The following PHC2 variants were observed in gnomAD, a reference collection of about 807,000 sequenced individuals.
PHC2 encodes the protein polyhomeotic homolog 2.
In PHC2, 29 loss-of-function variants were observed where a neutral mutation model predicts 87.4. The observed-to-expected ratio is 0.33, with a 90% CI of 0.25 to 0.45. The LOEUF (loss-of-function observed/expected upper bound fraction) is 0.45. Ranked by LOEUF, PHC2 falls within the 20% of genes least tolerant of loss-of-function variation. The pLI, the probability that PHC2 is intolerant of heterozygous loss-of-function variation, is 1.00. For synonymous variants in PHC2, 438 were observed against 461.7 expected (o/e 0.95, Z 0.66); for missense variants, 857 against 1,136.7 (o/e 0.75, Z 3.54).
intron 1 of PHC2, among the ~76,000 whole-genome samples, chr1:33,386,675 C>T (rs1404845966): frequency 6.6e-6 from 1 of 152,100 alleles, no homozygotes; most frequent in Non-Finnish European, 1.5e-5. Context: ...AAAACAAAAT[C>T]TCTCCATACT....
Position 33,372,430 on chromosome 1 carries a change from C to G in PHC2, c.192G>C (p.Leu64=). Residue 64 remains leucine, a synonymous_variant, in exon 3 of 15, where the codon CTG becomes CTC. Transcript: ENST00000683057. ...RQTVQVIQQA[L]HRQPSTAAQY... is the part of the protein sequence containing the mutation. ...GAGCGGCCGTGCTGGGCTGTCTGTG[C>G]AGGGCCTGCTGGATCACCTGAGAAG... 1.3e-6 allele frequency: 2 copies of G among 1,574,278 alleles called. No homozygotes were observed. The highest frequency in any genetic ancestry group is 1.7e-6 in the Non-Finnish European group (2 of 1,156,266).
chr1:33,335,353 G>C (rs1008138691), intron 9 of PHC2: 2 of 985,046 alleles, frequency 2.0e-6, no homozygotes, highest in East Asian at 2.3e-4. Flanking sequence ...CTTTAACCTG[G>C]AACTTCCTAA....
intron 1 of PHC2, among the ~76,000 whole-genome samples, chr1:33,407,357 A>C (rs2148386846): frequency 6.6e-6 from 1 of 152,314 alleles, no homozygotes; most frequent in African/African-American, 2.4e-5. Flanking sequence ...AAATATTTTC[A>C]AGGTTAATAA....
chr1:33,366,131 T>A (rs1056952586), intron 7 of PHC2, among the ~76,000 whole-genome samples: 4 of 152,262 alleles, frequency 2.6e-5, no homozygotes, highest in Non-Finnish European at 5.9e-5. Context: ...ATATTCTTGA[T>A]GTATTTTCTC....
rs187260828 is a variant in PHC2, at chr1:33,420,967, C to G, written c.-55+10009G>C. Among the ~76,000 whole-genome samples the G allele has an allele frequency of 3.8e-3, 577 of 152,322 alleles. 3 individuals carry two copies. The highest frequency in any genetic ancestry group is 0.024 in the Middle Eastern group (7 of 294). On this transcript the variant is annotated intron_variant, in intron 1 of 14. Transcript: ENST00000683057. ...CTGTAAGATGGAAATGACATGAGTA[C>G]TTACCTCAGAGTAGCTGTGAGGATT...
Position 33,368,398 on chromosome 1 carries a change from C to A in PHC2, c.663+138G>T. ...TTCTGGAACAGGGTAGACGCGCAGG[C>A]CTGGGGGCATTGGGGTGTCCTGTCT... is the stretch of plus-strand genomic sequence containing the variant. On this transcript the variant is annotated intron_variant, in intron 6 of 14. Coordinates refer to ENST00000683057, the MANE Select transcript of PHC2 (RefSeq NM_001385109.1). The surrounding 1 kb of genome is among the most constrained non-coding windows in gnomAD (Gnocchi z 6.6). 1 of 609,214 alleles carries A rather than the reference C, an allele frequency of 1.6e-6. No individual in the cohort carries two copies. Among genetic ancestry groups the A allele is most frequent in the African/African-American group, 1.9e-5 (1 of 53,964 alleles). The allele number at this position is 609,214 out of a possible 1,614,324, so 37.7% of individuals were successfully genotyped here.
intron 7 of PHC2, among the ~76,000 whole-genome samples, chr1:33,355,954 TGCCTG>T (rs1647063087): frequency 6.6e-6 from 1 of 152,226 alleles, no homozygotes; most frequent in South Asian, 2.1e-4. Context: ...CACAGCACAG[TGCCTG>T]GCACATGGTC....
chr1:33,424,588 C>G (rs2148409058), intron 1 of PHC2, among the ~76,000 whole-genome samples: 1 of 152,326 alleles, frequency 6.6e-6, no homozygotes, highest in East Asian at 1.9e-4. Context: ...AGACGCTGGT[C>G]TCTGCCCAAA....
chr1:33,338,273 T>C (rs918084119), intron 9 of PHC2, among the ~76,000 whole-genome samples: 3 of 152,202 alleles, frequency 2.0e-5, no homozygotes, highest in African/African-American at 7.2e-5. Flanking sequence ...CAAAACTTTT[T>C]GGAATTTGAG....
In PHC2 at chr1:33,370,648, A is replaced by G. The variant is rs546203562; in HGVS notation, c.412-63T>C. The G allele has an allele frequency of 2.4e-5, 35 of 1,467,768 alleles. No homozygotes were observed. In the South Asian group the frequency reaches 3.9e-4, roughly 16 times the overall value. The allele number at this position is 1,467,768 out of a possible 1,614,324, so 90.9% of individuals were successfully genotyped here. On this transcript the variant is annotated intron_variant, in intron 4 of 14. Transcript: ENST00000683057. ...TCTGTTGGTGAGCTGTGTCCCCCTC[A>G]TCCATTTCTTTCTCCCCCCTCTTTT... is the stretch of plus-strand genomic sequence containing the variant.
rs1303459787 is a variant in PHC2 at position 33,332,422 on chromosome 1, C to T, written c.1762-18G>A. ...CGTCCCACCTAGAGGACAGGTAACA[C>T]GGAGGCCGTGAGGGTCAGGTGGGAG... On this transcript the variant is annotated intron_variant, in intron 10 of 14. Coordinates refer to ENST00000683057, the MANE Select transcript of PHC2 (RefSeq NM_001385109.1). The surrounding 1 kb of genome is among the most constrained non-coding windows in gnomAD (Gnocchi z 4.2). The T allele has an allele frequency of 8.7e-6, 14 of 1,613,930 alleles. No individual in the cohort carries two copies. Among genetic ancestry groups the T allele is most frequent in the Middle Eastern group, 1.6e-4 (1 of 6,084 alleles).
intron 1 of PHC2, among the ~76,000 whole-genome samples, chr1:33,378,995 CATTTCT>C (rs1267391973): frequency 1.3e-5 from 2 of 152,048 alleles, no homozygotes; most frequent in East Asian, 3.9e-4. Flanking sequence ...TGGGGGTTAT[CATTTCT>C]ATTTCTTTTT....
intron 9 of PHC2, among the ~76,000 whole-genome samples, chr1:33,351,279 C>T (rs937194527): frequency 7.5e-4 from 114 of 152,016 alleles, no homozygotes; most frequent in African/African-American, 2.7e-3. Flanking sequence ...AAATAGAATT[C>T]TTTTGATTTT....
Position 33,332,732 on chromosome 1 carries a change from C to T in PHC2, c.1762-328G>A, listed in dbSNP as rs1200598506. ...CAGTGCCAGATCAAGCACCAAGACCCAGTACCCACGCATCTCCAGGCAAGG... is the reference window on the plus strand; with the variant it reads ...CAGTGCCAGATCAAGCACCAAGACCTAGTACCCACGCATCTCCAGGCAAGG... On this transcript the variant is annotated intron_variant, in intron 10 of 14. Transcript: ENST00000683057. The surrounding 1 kb of genome is among the most constrained non-coding windows in gnomAD (Gnocchi z 4.2). 6.6e-6 allele frequency among the ~76,000 whole-genome samples: 1 copy of T among 152,148 alleles called. No homozygotes were observed. The highest frequency in any genetic ancestry group is 1.9e-4 in the East Asian group (1 of 5,188).
Position 33,332,056 on chromosome 1 carries a change from T to C in PHC2, c.1891+219A>G, listed in dbSNP as rs1011221836. ...AGGAAAAGCCATTCTTGGGATCCTG[T>C]GGTTGGCTGGAGGGGGATTGGGGGA... On this transcript the variant is annotated intron_variant, in intron 11 of 14. Coordinates refer to ENST00000683057, the MANE Select transcript of PHC2 (RefSeq NM_001385109.1). The surrounding 1 kb of genome is among the most constrained non-coding windows in gnomAD (Gnocchi z 4.2). Among the ~76,000 whole-genome samples, 6 of 152,150 alleles carry C rather than the reference T, an allele frequency of 3.9e-5. No homozygotes were observed. The highest frequency in any genetic ancestry group is 1.3e-4 in the Admixed American group (2 of 15,274).
intron 14 of PHC2, among the ~76,000 whole-genome samples, chr1:33,327,203 G>A (rs1483444157): frequency 2.0e-5 from 3 of 152,094 alleles, no homozygotes; most frequent in Non-Finnish European, 4.4e-5. Context: ...TTTTGGATGG[G>A]CATGTCTGTA....
chr1:33,354,564 G>A lies in PHC2; in HGVS notation c.1395C>T (p.Pro465=). The A allele has an allele frequency of 6.2e-7, 1 of 1,613,040 alleles. No homozygotes were observed. Among genetic ancestry groups the A allele is most frequent in the Non-Finnish European group, 8.5e-7 (1 of 1,179,434 alleles). ...TCCAGTCATCAGGGACACACTGCTG[G>A]GGCTGTCAAAGGACAGGACAGAGAG... is the stretch of plus-strand genomic sequence containing the variant. ...ILQLQPASPV[P]QQCVPDDWKE... is the part of the protein sequence containing the mutation. Residue 465 remains proline, a splice_region_variant and synonymous_variant, in exon 9 of 15, where the codon CCC becomes CCT. Transcript: ENST00000683057.
Position 33,330,225 on chromosome 1 carries a change from G to A in PHC2, c.2007-13C>T. ...TCCCACGTTGTACCTTCAGGGACAGGGGAACAGGGGATGTCACAGTAGTCA... is the reference window on the plus strand; with the variant it reads ...TCCCACGTTGTACCTTCAGGGACAGAGGAACAGGGGATGTCACAGTAGTCA... On this transcript the variant is annotated splice_polypyrimidine_tract_variant and intron_variant, in intron 12 of 14. Coordinates refer to ENST00000683057, the MANE Select transcript of PHC2 (RefSeq NM_001385109.1). 1 of 1,613,450 alleles carries A rather than the reference G, an allele frequency of 6.2e-7. No homozygotes were observed. The highest frequency in any genetic ancestry group is 8.5e-7 in the Non-Finnish European group (1 of 1,179,706).
At chr1:33,427,875 G>A (rs1394649555) in intron 1 of PHC2, among the ~76,000 whole-genome samples, 1 of 152,106 alleles carries the variant, frequency 6.6e-6, no homozygotes, top group Non-Finnish European at 1.5e-5. Context: ...CTACCATACG[G>A]ACTCCATGCC....
Sources: gnomAD v4.1 joint callset for allele counts (sites outside exome capture counted in the v4.1 genomes callset) on GRCh38, gnomAD v4.1.1 for gene constraint, Gnocchi (gnomAD v3.1) non-coding constraint, MANE v1.5 for transcripts, NCBI Gene and HGNC (gene_info 2026-07-23, HGNC 2026-07-21) for gene names.